CFAP206: variants seen among roughly 807,000 people sequenced by gnomAD.
CFAP206 encodes cilia- and flagella-associated protein 206.
Under a neutral mutation model 65.4 loss-of-function variants are expected in CFAP206, and 53 were observed. The ratio of observed to expected loss-of-function variants is 0.81; its 90% CI spans 0.65 to 1.02. The LOEUF (loss-of-function observed/expected upper bound fraction) is 1.02. CFAP206 is among the 50% of genes least tolerant of loss of function. CFAP206 has a pLI of 0.00. For synonymous variants in CFAP206, 250 were observed against 254.4 expected, an observed-to-expected ratio of 0.98 and a Z score of 0.17; for missense variants, 663 against 753.2, an observed-to-expected ratio of 0.88 and a Z score of 1.40.
chr6:87,434,916 A>T lies in CFAP206; in HGVS notation c.1357A>T (p.Lys453Ter). 1.3e-6 allele frequency: 2 copies of T among 1,533,190 alleles called. No individual in the cohort carries two copies. The highest frequency in any genetic ancestry group is 1.8e-6 in the Non-Finnish European group (2 of 1,116,198). The allele number at this position is 1,533,190 out of a possible 1,614,324, so 95.0% of individuals were successfully genotyped here. ...AGAAAAATATTACACATTCAATAGTAAAGATGCTGCATATTCATTTGCAGA... is the reference window on the plus strand; with the variant it reads ...AGAAAAATATTACACATTCAATAGTTAAGATGCTGCATATTCATTTGCAGA... ...YKEKYYTFNS[K>*]DAAYSFAENP... Residue 453 changes from lysine to a stop codon, truncating the protein, a stop_gained, in exon 11 of 13, where the codon AAA becomes TAA. Coordinates refer to ENST00000369562, the MANE Select transcript of CFAP206 (RefSeq NM_001031743.3). LOFTEE classifies it high-confidence loss of function.
chr6:87,455,581 TAAAC>T (rs1179140720), intron 11 of CFAP206, among the ~76,000 whole-genome samples: 2 of 152,000 alleles, frequency 1.3e-5, no homozygotes, highest in South Asian at 2.1e-4. Flanking sequence ...TAAGAAAAGA[TAAAC>T]AAAATAGACA....
Position 87,415,769 on chromosome 6 carries a change from G to T in CFAP206, c.367G>T (p.Ala123Ser), listed in dbSNP as rs1399222834. 1.2e-6 allele frequency: 2 copies of T among 1,613,598 alleles called. No homozygotes were observed. Among genetic ancestry groups the T allele is most frequent in the Admixed American group, 3.3e-5 (2 of 59,974 alleles). ...TREITDNRAC[A>S]KEELESLYRK... ...AGAAATTACAGATAACAGAGCATGT[G>T]CTAAAGAAGAATTGGAAAGCCTCTA... The change falls in exon 5 of 13, where the codon GCT becomes TCT. Residue 123 changes from alanine to serine, a missense_variant. Coordinates refer to ENST00000369562, the MANE Select transcript of CFAP206 (RefSeq NM_001031743.3).
intron 12 of CFAP206, among the ~76,000 whole-genome samples, chr6:87,461,967 A>G (rs1768758095): frequency 6.6e-6 from 1 of 152,210 alleles, no homozygotes; most frequent in African/African-American, 2.4e-5. Context: ...GTTTGTTAAC[A>G]TGAGAAAGCT....
intron 6 of CFAP206, among the ~76,000 whole-genome samples, chr6:87,417,370 C>T (rs1330917553): frequency 6.6e-6 from 1 of 151,906 alleles, no homozygotes; most frequent in Admixed American, 6.6e-5. Context: ...TTTGGTACTC[C>T]TGTAGGCCCA....
At chr6:87,452,593 G>A (rs1029269382) in intron 11 of CFAP206, among the ~76,000 whole-genome samples, 10 of 152,050 alleles carry the variant, frequency 6.6e-5, no homozygotes, top group Admixed American at 3.9e-4. Context: ...CCAAGATAAT[G>A]CAGAGAAGGA....
At chr6:87,445,001 A>G (rs930898995) in intron 11 of CFAP206, 9 of 521,306 alleles carry the variant, frequency 1.7e-5, no homozygotes, top group Non-Finnish European at 2.7e-5. Flanking sequence ...TTCGTTGAAG[A>G]CACTGGCTCT....
chr6:87,435,551 G>A (rs1450428655), intron 11 of CFAP206: 1 of 152,348 alleles, frequency 6.6e-6, no homozygotes, highest in Non-Finnish European at 1.5e-5. Context: ...TGGCATAAGG[G>A]ATTTCATGAA....
chr6:87,435,160 G>A, intron 11 of CFAP206, 107 bp downstream of exon 11: 1 of 746,794 alleles, frequency 1.3e-6, no homozygotes, highest in Non-Finnish European at 2.2e-6. Context: ...GAGAGAGTCA[G>A]ATGAGGGTCT....
chr6:87,409,877 T>G lies in CFAP206; in HGVS notation c.38T>G (p.Ile13Ser), dbSNP rs1332243131. ...CAGGCCGAAAGTGTTATAAGGAGTA[T>G]TATACGAGAAATAGGACAAGAATGT... ...PTQAESVIRS[I>S]IREIGQECAA... The change falls in exon 2 of 13, where the codon ATT becomes AGT. Residue 13 changes from isoleucine (I) to serine (S), a missense_variant. Transcript: ENST00000369562. 6.2e-7 allele frequency: 1 copy of G among 1,613,420 alleles called. No individual in the cohort carries two copies. Among genetic ancestry groups the G allele is most frequent in the Non-Finnish European group, 8.5e-7 (1 of 1,179,660 alleles).
chr6:87,423,027 C>T (rs1447133468), intron 7 of CFAP206, among the ~76,000 whole-genome samples: 1 of 151,488 alleles, frequency 6.6e-6, no homozygotes, highest in South Asian at 2.1e-4. Flanking sequence ...AGCGATTCTT[C>T]TACCTCAGCC....
intron 11 of CFAP206, among the ~76,000 whole-genome samples, chr6:87,450,707 G>C (rs749571578): frequency 6.6e-6 from 1 of 152,000 alleles, no homozygotes; most frequent in Non-Finnish European, 1.5e-5. Context: ...ACACAAGAAA[G>C]TACCTTCATA....
intron 12 of CFAP206, among the ~76,000 whole-genome samples, chr6:87,463,009 G>A (rs1768770704): frequency 6.6e-6 from 1 of 152,214 alleles, no homozygotes; most frequent in Non-Finnish European, 1.5e-5. Context: ...GCTAAGGCAG[G>A]TCTTCCAATG....
chr6:87,457,836 G>A (rs754934400), intron 11 of CFAP206, among the ~76,000 whole-genome samples: 1 of 152,116 alleles, frequency 6.6e-6, no homozygotes, highest in Non-Finnish European at 1.5e-5. Flanking sequence ...ATCACATCAA[G>A]TTAAAAAGCT....
Position 87,464,081 on chromosome 6 carries a change from A to G in CFAP206, c.1700A>G (p.Glu567Gly), listed in dbSNP as rs1235832320. The G allele has an allele frequency of 1.9e-6, 3 of 1,614,138 alleles. No individual in the cohort carries two copies. The East Asian group carries it at 6.7e-5, about 36-fold the overall frequency. The part of the protein sequence containing the change: ...VQTDLSHLRR[E>G]NCSQVYPPKD... Reference sequence around the variant, plus strand: ...ACTGATCTTAGTCACTTGAGAAGAGAAAATTGTTCCCAAGTGTACCCTCCA... The same window carrying G: ...ACTGATCTTAGTCACTTGAGAAGAGGAAATTGTTCCCAAGTGTACCCTCCA... The change falls in exon 13 of 13, where the codon GAA (glutamate) becomes GGA (glycine). Residue 567 changes from glutamate (E) to glycine (G), a missense_variant. By Grantham distance (98) the Glu-to-Gly change is moderately conservative (BLOSUM62 -2). Transcript: ENST00000369562.
intron 11 of CFAP206, chr6:87,436,062 G>A (rs895481933): frequency 1.4e-5 from 2 of 145,922 alleles, no homozygotes; most frequent in Non-Finnish European, 3.0e-5. Context: ...TGAAATACAT[G>A]GTTTAAAATG....
chr6:87,464,113 A>G lies in CFAP206; in HGVS notation c.1732A>G (p.Thr578Ala). The G allele has an allele frequency of 6.2e-7, 1 of 1,614,192 alleles. No homozygotes were observed. The change falls in exon 13 of 13, where the codon ACT becomes GCT. Residue 578 changes from threonine (T) to alanine (A), a missense_variant. Transcript: ENST00000369562. ...TTCCCAAGTGTACCCTCCAAAGGAC[A>G]CTAGCACCCAGTCCATGAGGGAAGA... is the stretch of plus-strand genomic sequence containing the variant. ...NCSQVYPPKDTSTQSMREDST... is the reference protein window; with the variant it reads ...NCSQVYPPKDASTQSMREDST...
chr6:87,433,045 A>G (rs1240202602), intron 10 of CFAP206, among the ~76,000 whole-genome samples: 1 of 152,174 alleles, frequency 6.6e-6, no homozygotes, highest in Admixed American at 6.5e-5. Flanking sequence ...GCTCCACTTC[A>G]GTGGCACTGG....
In CFAP206 at chr6:87,408,485, ATCCGG is replaced by A. The variant is rs1246013372; in HGVS notation, c.-6+397_-6+401del. 3 of 72,058 alleles carry A rather than the reference ATCCGG, an allele frequency of 4.2e-5. 1 individual carries two copies. The highest frequency in any genetic ancestry group is 2.0e-4 in the African/African-American group (3 of 15,122). The allele number at this position is 72,058 out of a possible 1,614,324, so 4.5% of individuals were successfully genotyped here. On this transcript the variant is annotated intron_variant, in intron 1 of 12. Coordinates refer to ENST00000369562, the MANE Select transcript of CFAP206 (RefSeq NM_001031743.3). ...ACACAGATCCGGAGCGCGCACACAG[ATCCGG>A]AGCGCGCACACAGATCCGGAGCGCG...
chr6:87,417,996 C>T (rs1237129339), intron 6 of CFAP206, among the ~76,000 whole-genome samples: 1 of 151,928 alleles, frequency 6.6e-6, no homozygotes, highest in Non-Finnish European at 1.5e-5. Context: ...CCTCGGCCTC[C>T]CAAAGTGCTA....
Sources: allele counts gnomAD v4.1 joint callset (sites outside exome capture counted in the v4.1 genomes callset), GRCh38; gene constraint gnomAD v4.1.1; transcripts MANE v1.5; gene names NCBI Gene and HGNC (gene_info 2026-07-23, HGNC 2026-07-21).